The following ZNF428 variants were observed in gnomAD, a reference collection of about 807,000 sequenced individuals.
ZNF428 encodes zinc finger protein 428, also known as enzyme-like protein PIT13.
ZNF428 carries 5 observed loss-of-function variants against 15.6 expected under a neutral mutation model. The ratio of observed to expected loss-of-function variants is 0.32; its 90% CI spans 0.17 to 0.67. The LOEUF (loss-of-function observed/expected upper bound fraction) is 0.67. Ranked by LOEUF, ZNF428 falls within the 30% of genes least tolerant of loss-of-function variation. ZNF428 has a pLI of 0.73. For synonymous variants in ZNF428, 97 were observed against 102.2 expected (o/e 0.95, Z 0.31); for missense variants, 237 against 256.0 (o/e 0.93, Z 0.51).
chr19:43,612,865 G>A lies in ZNF428; in HGVS notation c.76+1364C>T. 6.4e-7 allele frequency: 1 copy of A among 1,551,678 alleles called. No individual in the cohort carries two copies. The highest frequency in any genetic ancestry group is 8.7e-7 in the Non-Finnish European group (1 of 1,146,992). On this transcript the variant is annotated intron_variant, in intron 2 of 2. Coordinates refer to ENST00000300811, the MANE Select transcript of ZNF428 (RefSeq NM_182498.4). The surrounding 1 kb of genome is among the most constrained non-coding windows in gnomAD (Gnocchi z 4.2). Reference sequence around the variant, plus strand: ...GGAAGGTGAAGAGCTACGGTCAGATGATCATCCCCAGTAGGGAAAAGAGTT... The same window carrying A: ...GGAAGGTGAAGAGCTACGGTCAGATAATCATCCCCAGTAGGGAAAAGAGTT...
chr19:43,609,840 G>T (rs971093402), intron 2 of ZNF428, among the ~76,000 whole-genome samples: 2 of 152,240 alleles, frequency 1.3e-5, no homozygotes, highest in East Asian at 3.9e-4. Flanking sequence ...GTAATGGTTG[G>T]GGATGGGGTC....
intron 2 of ZNF428, among the ~76,000 whole-genome samples, chr19:43,610,895 T>C (rs1973288421): frequency 6.6e-6 from 1 of 152,144 alleles, no homozygotes; most frequent in African/African-American, 2.4e-5. Context: ...GTTATAACTC[T>C]TTCCTTCTGA....
Position 43,613,218 on chromosome 19 carries a change from G to A in ZNF428, c.76+1011C>T, listed in dbSNP as rs1277228631. The A allele has an allele frequency of 7.7e-6, 12 of 1,551,588 alleles. No individual in the cohort carries two copies. In the African/African-American group the frequency reaches 9.6e-5, roughly 12 times the overall value. On this transcript the variant is annotated intron_variant, in intron 2 of 2. Transcript: ENST00000300811. ...AACCCCAGCAAGGAAAGAAGTCATA[G>A]CCATTCCAGAAGCTCCAGCAAAGAG... is the stretch of plus-strand genomic sequence containing the variant.
At chr19:43,614,148 C>T (rs370755726) in intron 2 of ZNF428, 81 bp downstream of exon 2, 2 of 1,613,454 alleles carry the variant, frequency 1.2e-6, no homozygotes, top group Non-Finnish European at 1.7e-6. Flanking sequence ...AGCCACTCCC[C>T]ATCAACATTT....
At chr19:43,610,153 G>A (rs1053693457) in intron 2 of ZNF428, among the ~76,000 whole-genome samples, 12 of 151,510 alleles carry the variant, frequency 7.9e-5, no homozygotes, top group African/African-American at 2.7e-4. Context: ...TCTCAGTGAC[G>A]CCCTGGCCAC....
intron 1 of ZNF428, among the ~76,000 whole-genome samples, chr19:43,619,251 G>A (rs1025108222): frequency 2.0e-5 from 3 of 152,188 alleles, no homozygotes; most frequent in African/African-American, 7.2e-5. Context: ...AAGCCTCCAG[G>A]ACGGTCAGCG....
rs1483913674 is a variant in ZNF428 at position 43,612,643 on chromosome 19, C to T, written c.76+1586G>A. On this transcript the variant is annotated intron_variant, in intron 2 of 2. Transcript: ENST00000300811. This position sits in a 1 kb window ranked among gnomAD's most constrained non-coding sequence, Gnocchi z 4.2. ...AAGGGAGCCGGGGAAAGAGTTACGGCCGGCCTAGAACCAGCAACAGGGAAA... is the reference window on the plus strand; with the variant it reads ...AAGGGAGCCGGGGAAAGAGTTACGGTCGGCCTAGAACCAGCAACAGGGAAA... The T allele has an allele frequency of 1.9e-6, 3 of 1,551,408 alleles. No homozygotes were observed. In the East Asian group the frequency reaches 7.3e-5, roughly 38 times the overall value.
chr19:43,607,424 C>T lies in ZNF428; in HGVS notation c.*193G>A. The T allele has an allele frequency of 1.5e-6, 1 of 655,082 alleles. No individual in the cohort carries two copies. Among genetic ancestry groups the T allele is most frequent in the Non-Finnish European group, 2.5e-6 (1 of 402,528 alleles). The allele number at this position is 655,082 out of a possible 1,614,324, so 40.6% of individuals were successfully genotyped here. A position where few individuals can be genotyped will look rare whatever the true frequency, so the allele number is the denominator to read the frequency against. Reference sequence around the variant, plus strand: ...ACACACACGGGCGGGAATACACACACACACACACACACTCTGAACCAACAC... The same window carrying T: ...ACACACACGGGCGGGAATACACACATACACACACACACTCTGAACCAACAC... On this transcript the variant is annotated 3_prime_UTR_variant, in exon 3 of 3. Transcript: ENST00000300811. The surrounding 1 kb of genome is among the most constrained non-coding windows in gnomAD (Gnocchi z 5.1).
At chr19:43,618,901 C>T (rs956506655) in intron 1 of ZNF428, among the ~76,000 whole-genome samples, 5 of 152,116 alleles carry the variant, frequency 3.3e-5, no homozygotes, top group African/African-American at 1.2e-4. Context: ...TTTTCCAAGC[C>T]CACGTCACAC....
intron 1 of ZNF428, among the ~76,000 whole-genome samples, chr19:43,615,682 G>A (rs1973365352): frequency 6.6e-6 from 1 of 152,056 alleles, no homozygotes; most frequent in South Asian, 2.1e-4. Flanking sequence ...CTCAAGCCTG[G>A]ATGACCCATC....
intron 2 of ZNF428, among the ~76,000 whole-genome samples, chr19:43,611,863 C>A (rs1973300891): frequency 6.6e-6 from 1 of 152,228 alleles, no homozygotes; most frequent in Admixed American, 6.5e-5. Context: ...GTGTCCCCAG[C>A]AATGCTGGGC....
At position 43,615,426 on chromosome 19, in the gene ZNF428, G is replaced by A. The variant is rs760822770; in HGVS notation, c.-130-992C>T. Reference sequence around the variant, plus strand: ...TAAAAAAATAAAAATAAGGCCGGGCGCAGTGACCCATGCCTGTAATCCCAG... The same window carrying A: ...TAAAAAAATAAAAATAAGGCCGGGCACAGTGACCCATGCCTGTAATCCCAG... On this transcript the variant is annotated intron_variant, in intron 1 of 2. Transcript: ENST00000300811. Among the ~76,000 whole-genome samples the A allele has an allele frequency of 7.9e-5, 12 of 152,086 alleles. No homozygotes were observed. The East Asian group carries it at 1.4e-3, about 17-fold the overall frequency.
In ZNF428 at chr19:43,607,423, A is replaced by T; in HGVS notation, c.*194T>A. On this transcript the variant is annotated 3_prime_UTR_variant, in exon 3 of 3. Coordinates refer to ENST00000300811, the MANE Select transcript of ZNF428 (RefSeq NM_182498.4). This position sits in a 1 kb window ranked among gnomAD's most constrained non-coding sequence, Gnocchi z 5.1. Reference sequence around the variant, plus strand: ...CACACACACGGGCGGGAATACACACACACACACACACACTCTGAACCAACA... The same window carrying T: ...CACACACACGGGCGGGAATACACACTCACACACACACACTCTGAACCAACA... 1 of 643,006 alleles carries T rather than the reference A, an allele frequency of 1.6e-6. No individual in the cohort carries two copies. The highest frequency in any genetic ancestry group is 2.4e-5 in the South Asian group (1 of 42,006). 39.8% of individuals were successfully genotyped at this position (643,006 alleles called of 1,614,324 possible). A position where few individuals can be genotyped will look rare whatever the true frequency, so the allele number is the denominator to read the frequency against.
In ZNF428 at chr19:43,612,005, T is replaced by A. The variant is rs1483691666; in HGVS notation, c.76+2224A>T. 1.3e-6 allele frequency: 1 copy of A among 766,512 alleles called. No individual in the cohort carries two copies. The highest frequency in any genetic ancestry group is 2.7e-5 in the East Asian group (1 of 37,288). The allele number at this position is 766,512 out of a possible 1,614,324, so 47.5% of individuals were successfully genotyped here. On this transcript the variant is annotated intron_variant, in intron 2 of 2. Transcript: ENST00000300811. The surrounding 1 kb of genome is among the most constrained non-coding windows in gnomAD (Gnocchi z 4.2). ...ACCACTCACCCTCCAGAGTCTTCAA[T>A]GCCCACTATTACTTCACACAGTTGG...
In ZNF428 at chr19:43,612,203, C is replaced by G; in HGVS notation, c.76+2026G>C. 1 of 1,551,712 alleles carries G rather than the reference C, an allele frequency of 6.4e-7. No individual in the cohort carries two copies. The highest frequency in any genetic ancestry group is 8.7e-7 in the Non-Finnish European group (1 of 1,147,000). On this transcript the variant is annotated intron_variant, in intron 2 of 2. Coordinates refer to ENST00000300811, the MANE Select transcript of ZNF428 (RefSeq NM_182498.4). The surrounding 1 kb of genome is among the most constrained non-coding windows in gnomAD (Gnocchi z 4.2). ...CTCCATGCCCACTGCGGATCCCAAG[C>G]CTCCTGCCTCCTTGAAGTCCACCAA... is the stretch of plus-strand genomic sequence containing the variant.
intron 1 of ZNF428, among the ~76,000 whole-genome samples, chr19:43,618,061 G>T (rs1973390603): frequency 8.9e-6 from 1 of 111,920 alleles, no homozygotes; most frequent in East Asian, 2.8e-4. Flanking sequence ...TTGAGACGGA[G>T]TCTTGCTCTG....
At position 43,614,386 on chromosome 19, in the gene ZNF428, T is replaced by C. The variant is rs1973350807; in HGVS notation, c.-82A>G. The C allele has an allele frequency of 1.7e-5, 25 of 1,509,862 alleles. No individual in the cohort carries two copies. Among genetic ancestry groups the C allele is most frequent in the Non-Finnish European group, 2.2e-5 (25 of 1,134,208 alleles). 93.5% of individuals were successfully genotyped at this position (1,509,862 alleles called of 1,614,324 possible). A position where few individuals can be genotyped will look rare whatever the true frequency, so the allele number is the denominator to read the frequency against. The stretch of plus-strand genomic sequence containing the variant: ...CCGGCCAGCTCTCCACAGCCACACC[T>C]CCGGCCACAAGTTCTCTAATACAGG... On this transcript the variant is annotated 5_prime_UTR_variant, in exon 2 of 3. Transcript: ENST00000300811.
rs1274914197 is a variant in ZNF428, at chr19:43,612,422, AG to A, written c.76+1806del. On this transcript the variant is annotated intron_variant, in intron 2 of 2. Transcript: ENST00000300811. This position sits in a 1 kb window ranked among gnomAD's most constrained non-coding sequence, Gnocchi z 4.2. ...CAGGGTGAGCACCGACACCAGGACCAGCAAAGCCAGCAAGGCCAGCGACGTG... is the reference window on the plus strand; with the variant it reads ...CAGGGTGAGCACCGACACCAGGACCACAAAGCCAGCAAGGCCAGCGACGTG... 6.4e-7 allele frequency: 1 copy of A among 1,550,866 alleles called. No individual in the cohort carries two copies. The highest frequency in any genetic ancestry group is 2.4e-5 in the East Asian group (1 of 40,924).
rs532462200 is a variant in ZNF428, at chr19:43,612,882, A to G, written c.76+1347T>C. 17 of 1,551,702 alleles carry G rather than the reference A, an allele frequency of 1.1e-5. No individual in the cohort carries two copies. The East Asian group carries it at 1.7e-4, about 16-fold the overall frequency. ...GGTCAGATGATCATCCCCAGTAGGG[A>G]AAAGAGTTACAGCCCCACTGAAATG... On this transcript the variant is annotated intron_variant, in intron 2 of 2. Coordinates refer to ENST00000300811, the MANE Select transcript of ZNF428 (RefSeq NM_182498.4). The surrounding 1 kb of genome is among the most constrained non-coding windows in gnomAD (Gnocchi z 4.2).
Sources: allele counts gnomAD v4.1 joint callset (sites outside exome capture counted in the v4.1 genomes callset), GRCh38; gene constraint gnomAD v4.1.1; non-coding constraint Gnocchi (gnomAD v3.1); transcripts MANE v1.5; gene names NCBI Gene and HGNC (gene_info 2026-07-23, HGNC 2026-07-21).